GLMN: variants seen among roughly 807,000 people sequenced by gnomAD.
GLMN encodes the protein glomulin.
A neutral mutation model predicts 87.8 loss-of-function variants in GLMN; 75 were observed. The observed-to-expected ratio is 0.85, with a 90% CI of 0.71 to 1.04. The LOEUF (loss-of-function observed/expected upper bound fraction) is 1.04. Among genes scored for constraint, GLMN ranks in the 50% least tolerant of loss-of-function variants. The probability of loss-of-function intolerance (pLI) is 0.00; values close to 1 mark genes in which losing one functional copy is unlikely to be tolerated. For missense variants in GLMN, 588 were observed against 658.8 expected, an observed-to-expected ratio of 0.89 and a Z score of 1.18; for synonymous variants, 206 against 221.6, an observed-to-expected ratio of 0.93 and a Z score of 0.63.
chr1:92,299,937 C>T (rs1244135612), upstream of GLMN, among the ~76,000 whole-genome samples: 2 of 152,092 alleles, frequency 1.3e-5, no homozygotes, highest in East Asian at 3.9e-4. Context: ...CTTGTGTGAC[C>T]ATCATCGAGT....
chr1:92,350,668 A>T, the GLMN span, among the ~76,000 whole-genome samples: 4 of 152,242 alleles, frequency 2.6e-5, no homozygotes, highest in African/African-American at 9.6e-5. Context: ...GGCCAGGTGC[A>T]GTGGCTCATG....
the GLMN span, chr1:92,336,199 A>G: frequency 1.6e-6 from 1 of 620,182 alleles, no homozygotes; most frequent in Non-Finnish European, 2.9e-6. Context: ...ATGAGTTCTC[A>G]CCAATCATAA....
intron 7 of GLMN, among the ~76,000 whole-genome samples, chr1:92,282,753 G>C (rs1028809915): frequency 1.3e-5 from 2 of 152,068 alleles, no homozygotes; most frequent in Non-Finnish European, 2.9e-5. Context: ...GAAGAAAAGA[G>C]AGAAGAATCA....
the GLMN span, among the ~76,000 whole-genome samples, chr1:92,342,324 A>C: frequency 6.6e-6 from 1 of 152,222 alleles, no homozygotes; most frequent in Admixed American, 6.5e-5. Context: ...AACCAGGAGC[A>C]GGCCTGGTGT....
chr1:92,321,098 A>C, the GLMN span, among the ~76,000 whole-genome samples: 1 of 151,908 alleles, frequency 6.6e-6, no homozygotes, highest in Admixed American at 6.5e-5. Flanking sequence ...TGTTTGCCTG[A>C]CCATGGCCAT....
At chr1:92,304,375 CAATT>C in the GLMN span, 2 of 1,379,426 alleles carry the variant, frequency 1.4e-6, no homozygotes, top group African/African-American at 1.5e-5. Context: ...TTCATTGTGG[CAATT>C]AATTTTTTTT....
chr1:92,301,324 T>G (rs1650841704), upstream of GLMN: 1 of 308,574 alleles, frequency 3.2e-6, no homozygotes, highest in Non-Finnish European at 5.7e-6. Flanking sequence ...TCTCTACAAT[T>G]AAAAAGAAAT....
chr1:92,276,176 T>C (rs1256496229), intron 7 of GLMN, among the ~76,000 whole-genome samples: 2 of 151,958 alleles, frequency 1.3e-5, no homozygotes, highest in East Asian at 3.9e-4. Flanking sequence ...CAGTGAGCCA[T>C]GGTTGTGCCA....
chr1:92,354,323 A>G, the GLMN span, among the ~76,000 whole-genome samples: 12 of 152,328 alleles, frequency 7.9e-5, no homozygotes, highest in East Asian at 2.3e-3. Flanking sequence ...TAGAGTATTG[A>G]AAAAAAGCTG....
At chr1:92,369,627 T>C in the GLMN span, among the ~76,000 whole-genome samples, 1 of 152,168 alleles carries the variant, frequency 6.6e-6, no homozygotes, top group Non-Finnish European at 1.5e-5. Context: ...ATATTCACTA[T>C]TAGAAGTTGC....
At chr1:92,333,698 T>G in the GLMN span, among the ~76,000 whole-genome samples, 2 of 152,212 alleles carry the variant, frequency 1.3e-5, no homozygotes, top group East Asian at 3.9e-4. Context: ...AAGAGGAAGG[T>G]TGAGATTGTG....
the GLMN span, among the ~76,000 whole-genome samples, chr1:92,339,195 T>G: frequency 6.6e-6 from 1 of 152,106 alleles, no homozygotes; most frequent in Admixed American, 6.6e-5. Context: ...TACTAGAAAC[T>G]TTAGGAAAAA....
intron 6 of GLMN, among the ~76,000 whole-genome samples, chr1:92,288,012 ATATAAAAATTGAGGT>A (rs1344695869): frequency 2.6e-5 from 4 of 151,556 alleles, no homozygotes; most frequent in African/African-American, 9.7e-5. Flanking sequence ...CATGTTATCA[ATATAAAAATTGAGGT>A]ATTTTACTGT....
chr1:92,270,132 C>T (rs912854921), intron 8 of GLMN, among the ~76,000 whole-genome samples: 5 of 152,164 alleles, frequency 3.3e-5, no homozygotes, highest in Non-Finnish European at 5.9e-5. Flanking sequence ...TCACCAGAAG[C>T]CAGGAGAGAG....
chr1:92,293,328 A>G (rs982611703), intron 3 of GLMN, among the ~76,000 whole-genome samples: 1 of 152,132 alleles, frequency 6.6e-6, no homozygotes, highest in Non-Finnish European at 1.5e-5. Context: ...GGATGTGGAG[A>G]AAAGGAAACC....
chr1:92,320,100 A>G, the GLMN span, among the ~76,000 whole-genome samples: 8 of 152,178 alleles, frequency 5.3e-5, no homozygotes, highest in African/African-American at 1.4e-4. Flanking sequence ...TGTACAGACA[A>G]TGATGACTCT....
At chr1:92,253,074 T>C (rs895296920) in intron 16 of GLMN, among the ~76,000 whole-genome samples, 18 of 152,306 alleles carry the variant, frequency 1.2e-4, no homozygotes, top group African/African-American at 3.8e-4. Flanking sequence ...CTAATTCATA[T>C]AGAAGTCATC....
upstream of GLMN, chr1:92,300,152 G>T: frequency 7.0e-7 from 1 of 1,438,114 alleles, no homozygotes; most frequent in South Asian, 1.2e-5. Context: ...CGTCGTTTAC[G>T]GAAATGTCAT....
intron 6 of GLMN, among the ~76,000 whole-genome samples, chr1:92,286,813 A>G (rs1648810876): frequency 6.6e-6 from 1 of 152,196 alleles, no homozygotes; most frequent in African/African-American, 2.4e-5. Context: ...TGCTGTTATA[A>G]AAGGGCAAGT....
Sources: gnomAD v4.1 joint callset for allele counts (sites outside exome capture counted in the v4.1 genomes callset) on GRCh38, gnomAD v4.1.1 for gene constraint, MANE v1.5 for transcripts, NCBI Gene and HGNC (gene_info 2026-07-23, HGNC 2026-07-21) for gene names.